Variants in ADIPOR2 observed in about 807,000 individuals in gnomAD.
ADIPOR2 encodes adiponectin receptor 2, also known as adiponectin receptor protein 2.
ADIPOR2 carries 18 observed loss-of-function variants against 40.9 expected under a neutral mutation model. The ratio of observed to expected loss-of-function variants is 0.44; its 90% CI spans 0.30 to 0.65. The LOEUF is 0.65. Among genes scored for constraint, ADIPOR2 ranks in the 30% least tolerant of loss-of-function variants. The pLI, the probability that ADIPOR2 is intolerant of heterozygous loss-of-function variation, is 0.09. For synonymous variants in ADIPOR2, 165 were observed against 166.4 expected (o/e 0.99, Z 0.06); for missense variants, 283 against 479.2 (o/e 0.59, Z 3.82).
intron 1 of ADIPOR2, among the ~76,000 whole-genome samples, chr12:1,726,043 A>G (rs752810855): frequency 6.6e-6 from 1 of 152,218 alleles, no homozygotes; most frequent in Non-Finnish European, 1.5e-5. Context: ...TTAGTGTTAG[A>G]TTTCTAGACC....
chr12:1,722,609 A>G (rs2094699990), intron 1 of ADIPOR2, among the ~76,000 whole-genome samples: 1 of 152,228 alleles, frequency 6.6e-6, no homozygotes, highest in African/African-American at 2.4e-5. Context: ...AGACAGTGAC[A>G]ATAGACTCCT....
chr12:1,742,504 A>G (rs945315968), intron 1 of ADIPOR2, among the ~76,000 whole-genome samples: 1 of 152,260 alleles, frequency 6.6e-6, no homozygotes, highest in Non-Finnish European at 1.5e-5. Context: ...AGAGATGCAC[A>G]GTAATTCTAA....
At chr12:1,727,334 C>G (rs529903206) in intron 1 of ADIPOR2, among the ~76,000 whole-genome samples, 2 of 152,250 alleles carry the variant, frequency 1.3e-5, no homozygotes, top group South Asian at 2.1e-4. Context: ...TGAAATAAGT[C>G]ATTGTGTGCC....
intron 2 of ADIPOR2, among the ~76,000 whole-genome samples, chr12:1,762,269 A>G (rs965416670): frequency 9.9e-5 from 15 of 152,202 alleles, no homozygotes; most frequent in African/African-American, 3.6e-4. Context: ...TACAATGCGT[A>G]TCATGACATA....
Position 1,787,130 on chromosome 12 carries a change from A to AT in ADIPOR2, c.*1059dup, listed in dbSNP as rs1862853900. On this transcript the variant is annotated 3_prime_UTR_variant, in exon 8 of 8. Transcript: ENST00000357103. ...CTCTCTAAATTTCCCTCTATTAAAA[A>AT]TCACTGCCCTAACTACACTTCCTCC... is the stretch of plus-strand genomic sequence containing the variant. 1 of 152,204 alleles carries AT rather than the reference A, an allele frequency of 6.6e-6. No individual in the cohort carries two copies. The highest frequency in any genetic ancestry group is 1.5e-5 in the Non-Finnish European group (1 of 68,032). The allele number at this position is 152,204 out of a possible 1,614,324, so 9.4% of individuals were successfully genotyped here. A position where few individuals can be genotyped will look rare whatever the true frequency, so the allele number is the denominator to read the frequency against.
At chr12:1,707,001 T>C (rs141258673) in intron 1 of ADIPOR2, among the ~76,000 whole-genome samples, 1 of 152,088 alleles carries the variant, frequency 6.6e-6, no homozygotes, top group Non-Finnish European at 1.5e-5. Flanking sequence ...GAAAAAAACT[T>C]TGTGTGTGTA....
intron 1 of ADIPOR2, among the ~76,000 whole-genome samples, chr12:1,698,206 T>TTGTGTGTG (rs35927419): frequency 4.1e-5 from 6 of 148,104 alleles, no homozygotes; most frequent in African/African-American, 1.2e-4. Context: ...TCTTGGCTGA[T>TTGTGTGTG]TGTGTGTGTG....
chr12:1,775,128 G>A (rs1273622963), intron 3 of ADIPOR2, among the ~76,000 whole-genome samples: 2 of 152,224 alleles, frequency 1.3e-5, no homozygotes, highest in Non-Finnish European at 1.5e-5. Context: ...GAGCCACTGC[G>A]TCCAGCTGTT....
Position 1,746,578 on chromosome 12 carries a change from A to C in ADIPOR2, c.-86-7680A>C, listed in dbSNP as rs1056803948. Among the ~76,000 whole-genome samples, 27 of 152,202 alleles carry C rather than the reference A, an allele frequency of 1.8e-4. 1 individual carries two copies. Among genetic ancestry groups the C allele is most frequent in the African/African-American group, 4.8e-5 (2 of 41,440 alleles). On this transcript the variant is annotated intron_variant, in intron 1 of 7. Coordinates refer to ENST00000357103, the MANE Select transcript of ADIPOR2 (RefSeq NM_024551.3). ...GTCGATACACCAAGAAGATATAACA[A>C]TTATAAACATGTATGTACTGAACAT...
At chr12:1,749,545 G>T (rs534317066) in intron 1 of ADIPOR2, among the ~76,000 whole-genome samples, 4 of 152,230 alleles carry the variant, frequency 2.6e-5, no homozygotes, top group African/African-American at 9.6e-5. Flanking sequence ...GTCATTTCTG[G>T]GTTCTCTGTT....
At chr12:1,756,819 G>A (rs901102595) in intron 2 of ADIPOR2, among the ~76,000 whole-genome samples, 2 of 152,110 alleles carry the variant, frequency 1.3e-5, no homozygotes, top group Non-Finnish European at 2.9e-5. Flanking sequence ...GATATATTTT[G>A]TGGGTCAAAT....
At chr12:1,700,862 T>C (rs2094648729) in intron 1 of ADIPOR2, among the ~76,000 whole-genome samples, 1 of 151,462 alleles carries the variant, frequency 6.6e-6, no homozygotes, top group South Asian at 2.1e-4. Flanking sequence ...ATTTTAGGGG[T>C]TGATTTGAAT....
intron 1 of ADIPOR2, among the ~76,000 whole-genome samples, chr12:1,730,326 C>T (rs10848560): frequency 0.4 from 60,549 of 150,790 alleles, 13,831 homozygotes; most frequent in Non-Finnish European, 0.52. Flanking sequence ...TTATTTGAAA[C>T]AGTTGTTCAG....
chr12:1,727,760 T>C (rs1183250542), intron 1 of ADIPOR2, among the ~76,000 whole-genome samples: 1 of 151,984 alleles, frequency 6.6e-6, no homozygotes, highest in Non-Finnish European at 1.5e-5. Flanking sequence ...CAGGGCAACT[T>C]CTGAACTCAC....
intron 2 of ADIPOR2, among the ~76,000 whole-genome samples, chr12:1,768,441 A>G (rs139311838): frequency 5.7e-4 from 87 of 152,246 alleles, no homozygotes; most frequent in African/African-American, 2.0e-3. Context: ...TGAACTAGCT[A>G]TACCTTTTTT....
At chr12:1,697,213 A>G (rs1272135384) in intron 1 of ADIPOR2, 1 of 152,260 alleles carries the variant, frequency 6.6e-6, no homozygotes, top group Non-Finnish European at 1.5e-5. Flanking sequence ...GATCATGAAT[A>G]AAGCTAATAG....
At chr12:1,748,347 C>T (rs200433645) in intron 1 of ADIPOR2, among the ~76,000 whole-genome samples, 12,151 of 152,118 alleles carry the variant, frequency 0.08, 808 homozygotes, top group East Asian at 0.32. Flanking sequence ...CTCCCGGGTT[C>T]ACGCCATTCT....
At chr12:1,717,533 C>T (rs959512085) in intron 1 of ADIPOR2, among the ~76,000 whole-genome samples, 2 of 152,128 alleles carry the variant, frequency 1.3e-5, no homozygotes, top group Admixed American at 6.6e-5. Flanking sequence ...TGGAGAAACC[C>T]TGTCTCTGCT....
At chr12:1,704,061 T>C (rs1218707091) in intron 1 of ADIPOR2, among the ~76,000 whole-genome samples, 1 of 148,830 alleles carries the variant, frequency 6.7e-6, no homozygotes, top group East Asian at 2.0e-4. Context: ...TGGAATTTTT[T>C]TTTTTTTTTT....
Sources: allele counts gnomAD v4.1 joint callset (sites outside exome capture counted in the v4.1 genomes callset), GRCh38; gene constraint gnomAD v4.1.1; transcripts MANE v1.5; gene names NCBI Gene and HGNC (gene_info 2026-07-23, HGNC 2026-07-21).